The following RANBP17 variants were observed in gnomAD, a reference collection of about 807,000 sequenced individuals.
RANBP17 encodes the protein RAN binding protein 17, also known as ran-binding protein 17.
A neutral mutation model predicts 141.2 loss-of-function variants in RANBP17; 158 were observed. The ratio of observed to expected loss-of-function variants is 1.12; its 90% CI spans 0.98 to 1.28. The LOEUF is 1.28. Ranked by LOEUF, RANBP17 falls within the 50% of genes most tolerant of loss-of-function variation. The pLI is 0.00. For synonymous variants in RANBP17, 430 were observed against 450.0 expected, an observed-to-expected ratio of 0.96 and a Z score of 0.56; for missense variants, 1,438 against 1,290.7, an observed-to-expected ratio of 1.11 and a Z score of -1.75.
intron 14 of RANBP17, among the ~76,000 whole-genome samples, chr5:171,013,428 C>G (rs1031380774): frequency 2.6e-5 from 4 of 152,164 alleles, no homozygotes; most frequent in African/African-American, 9.6e-5. Flanking sequence ...CCACTTGTCT[C>G]CATGCCCTCA....
intron 24 of RANBP17, among the ~76,000 whole-genome samples, chr5:171,264,568 T>C (rs1238530290): frequency 6.6e-6 from 1 of 152,188 alleles, no homozygotes; most frequent in African/African-American, 2.4e-5. Flanking sequence ...GTAACTATTA[T>C]AGTGCTGTAT....
intron 12 of RANBP17, among the ~76,000 whole-genome samples, chr5:170,952,127 A>C (rs867456835): frequency 6.6e-6 from 1 of 152,052 alleles, no homozygotes; most frequent in African/African-American, 2.4e-5. Context: ...CCTACAGAGA[A>C]AGCAGGGTCA....
chr5:171,292,482 G>T (rs1253659183), intron 25 of RANBP17, among the ~76,000 whole-genome samples: 1 of 152,162 alleles, frequency 6.6e-6, no homozygotes, highest in Non-Finnish European at 1.5e-5. Flanking sequence ...TCAGTAACTT[G>T]CCTGAGATCA....
chr5:170,989,791 G>A (rs1431712543), intron 14 of RANBP17, among the ~76,000 whole-genome samples: 1 of 151,638 alleles, frequency 6.6e-6, no homozygotes, highest in Non-Finnish European at 1.5e-5. Flanking sequence ...AAGTTAAGAA[G>A]TTAGGCTTAC....
rs139328741 is a variant in RANBP17, at chr5:170,979,072, T to C, written c.1710+10695T>C. ...AAAAAAAGTCATACAAGGACACAAA[T>C]GACATTCCTATGTCAAATATGTTAA... On this transcript the variant is annotated intron_variant, in intron 14 of 27. Transcript: ENST00000523189. Among the ~76,000 whole-genome samples, 907 of 152,296 alleles carry C rather than the reference T, an allele frequency of 6.0e-3. 9 individuals carry two copies. The highest frequency in any genetic ancestry group is 0.021 in the African/African-American group (864 of 41,572).
chr5:171,270,645 C>T (rs369728027), intron 25 of RANBP17, among the ~76,000 whole-genome samples: 13 of 152,118 alleles, frequency 8.5e-5, no homozygotes, highest in African/African-American at 2.6e-4. Context: ...GCATTCATTT[C>T]GTTATATCAC....
At chr5:171,141,443 A>C (rs1757686684) in intron 14 of RANBP17, among the ~76,000 whole-genome samples, 1 of 151,076 alleles carries the variant, frequency 6.6e-6, no homozygotes, top group South Asian at 2.1e-4. Flanking sequence ...AAAAAAAAAA[A>C]AAAAATACAA....
intron 18 of RANBP17, among the ~76,000 whole-genome samples, chr5:171,191,474 G>GT (rs1445726618): frequency 6.6e-6 from 1 of 152,014 alleles, no homozygotes; most frequent in Admixed American, 6.5e-5. Context: ...GGATCACGAG[G>GT]TAGGAGATCG....
chr5:171,278,979 AC>A (rs2128034731), intron 25 of RANBP17, among the ~76,000 whole-genome samples: 1 of 152,324 alleles, frequency 6.6e-6, no homozygotes, highest in East Asian at 1.9e-4. Flanking sequence ...TGCTATTTAT[AC>A]TATAAATGTG....
At chr5:171,080,838 C>G (rs778917358) in intron 14 of RANBP17, among the ~76,000 whole-genome samples, 9 of 152,064 alleles carry the variant, frequency 5.9e-5, no homozygotes, top group Non-Finnish European at 1.2e-4. Flanking sequence ...GTAAGACTGG[C>G]CTTGGTAATG....
intron 14 of RANBP17, among the ~76,000 whole-genome samples, chr5:171,139,444 C>A (rs1757544554): frequency 6.6e-6 from 1 of 152,126 alleles, no homozygotes; most frequent in East Asian, 1.9e-4. Flanking sequence ...CTTTCAGAAT[C>A]CTCAGTGCTT....
intron 21 of RANBP17, among the ~76,000 whole-genome samples, chr5:171,220,173 T>C (rs1763466246): frequency 6.6e-6 from 1 of 152,170 alleles, no homozygotes; most frequent in East Asian, 1.9e-4. Context: ...TGCAGTTTGC[T>C]GGAGGTCCAC....
At chr5:170,973,984 G>C (rs1158274814) in intron 14 of RANBP17, among the ~76,000 whole-genome samples, 1 of 152,112 alleles carries the variant, frequency 6.6e-6, no homozygotes. Context: ...TTCAACATAC[G>C]ATTTTGTCAG....
intron 14 of RANBP17, among the ~76,000 whole-genome samples, chr5:171,150,837 A>G (rs1027129472): frequency 6.6e-6 from 1 of 152,184 alleles, no homozygotes; most frequent in South Asian, 2.1e-4. Context: ...AACACACTTC[A>G]TTTGGTTTGT....
chr5:171,298,664 T>C, intron 27 of RANBP17, 98 bp from the exon 28 acceptor site: 1 of 781,198 alleles, frequency 1.3e-6, no homozygotes, highest in Non-Finnish European at 2.1e-6. Context: ...AGGAGGGGGC[T>C]CCCCAAAGTC....
chr5:171,098,099 G>T (rs975476921), intron 14 of RANBP17, among the ~76,000 whole-genome samples: 1 of 152,050 alleles, frequency 6.6e-6, no homozygotes, highest in Non-Finnish European at 1.5e-5. Flanking sequence ...ATAAACATAC[G>T]TATGCATGTG....
At chr5:171,056,987 A>G (rs554180740) in intron 14 of RANBP17, among the ~76,000 whole-genome samples, 2 of 152,290 alleles carry the variant, frequency 1.3e-5, no homozygotes, top group African/African-American at 4.8e-5. Flanking sequence ...AAGGAAGCTA[A>G]CTTTCACCTT....
chr5:171,128,984 C>T (rs1756701920), intron 14 of RANBP17, among the ~76,000 whole-genome samples: 1 of 152,062 alleles, frequency 6.6e-6, no homozygotes. Flanking sequence ...TGGCCCTGCC[C>T]TTAATGAGCA....
chr5:171,102,966 C>T (rs1787277819), intron 14 of RANBP17, among the ~76,000 whole-genome samples: 1 of 152,174 alleles, frequency 6.6e-6, no homozygotes, highest in African/African-American at 2.4e-5. Flanking sequence ...GTTTGTTCCT[C>T]TGGAAGCTTC....
Sources: allele counts gnomAD v4.1 joint callset (sites outside exome capture counted in the v4.1 genomes callset), GRCh38; gene constraint gnomAD v4.1.1; transcripts MANE v1.5; gene names NCBI Gene and HGNC (gene_info 2026-07-23, HGNC 2026-07-21).